The following RPS6KA6 variants were observed in gnomAD, a reference collection of about 807,000 sequenced individuals.
RPS6KA6 encodes ribosomal protein S6 kinase alpha-6.
Under a neutral mutation model 65.4 loss-of-function variants are expected in RPS6KA6, and 27 were observed. That is an observed-to-expected ratio of 0.41 (90% confidence interval 0.30 to 0.57). RPS6KA6 has a LOEUF of 0.57. Ranked by LOEUF, RPS6KA6 falls within the 20% of genes least tolerant of loss-of-function variation. RPS6KA6 has a pLI of 0.24. For missense variants in RPS6KA6, 486 were observed against 555.6 expected (o/e 0.87, Z 1.26); for synonymous variants, 190 against 184.2 (o/e 1.03, Z -0.26).
chrX:84,132,905 T>G (rs2034926914), intron 8 of RPS6KA6, among the ~76,000 whole-genome samples: 1 of 99,990 alleles, frequency 1.0e-5, no homozygotes, highest in African/African-American at 3.5e-5. Flanking sequence ...ATTTTTAAAG[T>G]GGACTAGTGA....
chrX:84,186,197 G>T, intron 1 of RPS6KA6: 1 of 455,627 alleles, frequency 2.2e-6, no homozygotes, highest in Non-Finnish European at 3.9e-6. Flanking sequence ...AACCATATGT[G>T]GTAATTACAA....
At chrX:84,164,773 G>A (rs189229351) in intron 1 of RPS6KA6, among the ~76,000 whole-genome samples, 1 of 111,704 alleles carries the variant, frequency 9.0e-6, no homozygotes, top group East Asian at 2.8e-4. Context: ...AATAAGAACA[G>A]TTTTATATAA....
Position 84,156,110 on chromosome X carries a change from A to G in RPS6KA6, c.223T>C (p.Leu75=). 2 of 1,199,026 alleles carry G rather than the reference A, an allele frequency of 1.7e-6. No homozygotes were observed. The highest frequency in any genetic ancestry group is 2.3e-6 in the Non-Finnish European group (2 of 884,411). ...YEKADPAQFE[L]LKVLGQGSFG... ...GACCCCTGACCAAGAACCTTGAGCA[A>G]CTCAAACTGTGCAGGATCTGCTTTC... Residue 75 remains leucine, a synonymous_variant, in exon 3 of 22, where the codon TTG becomes CTG. Coordinates refer to ENST00000262752, the MANE Select transcript of RPS6KA6 (RefSeq NM_014496.5).
At position 84,117,469 on chromosome X, in the gene RPS6KA6, C is replaced by T. The variant is rs748860122; in HGVS notation, c.790-15G>A. On this transcript the variant is annotated splice_polypyrimidine_tract_variant and intron_variant, in intron 9 of 21. Coordinates refer to ENST00000262752, the MANE Select transcript of RPS6KA6 (RefSeq NM_014496.5). ...AGCATTTCAAACTAAAACAAACAAACAAAACACACCACACAATTAGAACAC... is the reference window on the plus strand; with the variant it reads ...AGCATTTCAAACTAAAACAAACAAATAAAACACACCACACAATTAGAACAC... The T allele has an allele frequency of 1.9e-6, 2 of 1,058,550 alleles. No homozygotes were observed. Among genetic ancestry groups the T allele is most frequent in the East Asian group, 6.3e-5 (2 of 31,984 alleles). 87.2% of individuals were successfully genotyped at this position (1,058,550 alleles called of 1,213,427 possible). A position where few individuals can be genotyped will look rare whatever the true frequency, so the allele number is the denominator to read the frequency against.
intron 1 of RPS6KA6, among the ~76,000 whole-genome samples, chrX:84,171,827 C>G (rs1002056460): frequency 6.3e-5 from 7 of 110,736 alleles, no homozygotes; most frequent in Non-Finnish European, 1.3e-4. Context: ...ACTCTCCCCG[C>G]CCTTTTCCCG....
intron 1 of RPS6KA6, chrX:84,187,579 C>T: frequency 3.2e-6 from 1 of 310,677 alleles, no homozygotes; most frequent in Non-Finnish European, 5.6e-6. Flanking sequence ...GCGTGGCCCG[C>T]CAGGCAGGCG....
intron 20 of RPS6KA6, among the ~76,000 whole-genome samples, chrX:84,079,963 G>A (rs1322015549): frequency 1.8e-5 from 2 of 111,873 alleles, no homozygotes; most frequent in Non-Finnish European, 3.8e-5. Flanking sequence ...CCAGCGCAGC[G>A]CTCGAGCTCT....
At chrX:84,085,270 T>C in intron 20 of RPS6KA6, among the ~76,000 whole-genome samples, 1 of 111,756 alleles carries the variant, frequency 8.9e-6, no homozygotes, top group Non-Finnish European at 1.9e-5. Context: ...CTTTGTCTTG[T>C]GCCTGTTTTC....
chrX:84,138,763 G>C (rs911752245), intron 6 of RPS6KA6, among the ~76,000 whole-genome samples: 3 of 106,636 alleles, frequency 2.8e-5, no homozygotes, highest in Non-Finnish European at 5.8e-5. Flanking sequence ...AAGGAAAATA[G>C]AGCACAGCTT....
In RPS6KA6 at chrX:84,062,132, T is replaced by C. The variant is rs1241059111; in HGVS notation, c.*2145A>G. The C allele has an allele frequency of 1.8e-5, 2 of 112,080 alleles. No homozygotes were observed. The highest frequency in any genetic ancestry group is 4.7e-3 in the Middle Eastern group (1 of 215). 9.2% of individuals were successfully genotyped at this position (112,080 alleles called of 1,213,427 possible). A position where few individuals can be genotyped will look rare whatever the true frequency, so the allele number is the denominator to read the frequency against. ...GGTGATCAGAAATCATGCTGTTCAT[T>C]GCTTAATTCTTATAGTGTTCCTTTT... On this transcript the variant is annotated 3_prime_UTR_variant, in exon 22 of 22. Coordinates refer to ENST00000262752, the MANE Select transcript of RPS6KA6 (RefSeq NM_014496.5).
At chrX:84,108,472 G>C (rs902906851) in intron 12 of RPS6KA6, among the ~76,000 whole-genome samples, 4 of 111,576 alleles carry the variant, frequency 3.6e-5, no homozygotes, top group African/African-American at 1.3e-4. Flanking sequence ...GAATTCATCA[G>C]AGAAGTGATG....
chrX:84,101,965 T>C, intron 18 of RPS6KA6, 72 bp downstream of exon 18: 2 of 876,421 alleles, frequency 2.3e-6, no homozygotes, highest in Non-Finnish European at 3.1e-6. Context: ...TACCATAACA[T>C]TCATATGGCA....
At chrX:84,187,735 C>T in intron 1 of RPS6KA6, 84 bp downstream of exon 1, 2 of 971,509 alleles carry the variant, frequency 2.1e-6, no homozygotes, top group East Asian at 3.6e-5. Flanking sequence ...CGGCCCTACG[C>T]CTCTCCTCTC....
At chrX:84,160,019 C>A (rs1479689587) in intron 2 of RPS6KA6, among the ~76,000 whole-genome samples, 1 of 111,227 alleles carries the variant, frequency 9.0e-6, no homozygotes. Context: ...AGCCACCCAT[C>A]TGTGGTTATT....
In RPS6KA6 at chrX:84,063,123, T is replaced by C. The variant is rs2033328221; in HGVS notation, c.*1154A>G. 8.9e-6 allele frequency: 1 copy of C among 111,739 alleles called. No individual in the cohort carries two copies. Among genetic ancestry groups the C allele is most frequent in the Non-Finnish European group, 1.9e-5 (1 of 53,061 alleles). 9.2% of individuals were successfully genotyped at this position (111,739 alleles called of 1,213,427 possible). A position where few individuals can be genotyped will look rare whatever the true frequency, so the allele number is the denominator to read the frequency against. On this transcript the variant is annotated 3_prime_UTR_variant, in exon 22 of 22. Coordinates refer to ENST00000262752, the MANE Select transcript of RPS6KA6 (RefSeq NM_014496.5). ...GTTTTTTATAAATATGATTTTAAAA[T>C]GTGCTCAAATTTTTTGTAGACCATT...
chrX:84,070,179 A>C (rs1036998911), intron 20 of RPS6KA6, among the ~76,000 whole-genome samples: 1 of 112,274 alleles, frequency 8.9e-6, no homozygotes, highest in African/African-American at 3.2e-5. Flanking sequence ...TCGATGACAG[A>C]CTGGATGAAG....
chrX:84,163,351 A>G (rs6622939), intron 2 of RPS6KA6, among the ~76,000 whole-genome samples: 6,919 of 111,449 alleles, frequency 0.062, 230 homozygotes, highest in East Asian at 0.21. Context: ...TAAAAAATCT[A>G]TAACTCGGCC....
chrX:84,157,817 A>C (rs2035441988), intron 2 of RPS6KA6, among the ~76,000 whole-genome samples: 1 of 111,023 alleles, frequency 9.0e-6, no homozygotes, highest in Non-Finnish European at 1.9e-5. Flanking sequence ...AGTTAGTTTC[A>C]CCAAACCTAA....
intron 8 of RPS6KA6, among the ~76,000 whole-genome samples, chrX:84,133,121 G>C (rs894034894): frequency 8.9e-6 from 1 of 111,957 alleles, no homozygotes; most frequent in African/African-American, 3.2e-5. Context: ...GCATGTGGGA[G>C]TTATTTATAT....
Sources: allele counts gnomAD v4.1 joint callset (sites outside exome capture counted in the v4.1 genomes callset), GRCh38; gene constraint gnomAD v4.1.1; transcripts MANE v1.5; gene names NCBI Gene and HGNC (gene_info 2026-07-23, HGNC 2026-07-21).